PHACTR1: variants seen among roughly 807,000 people sequenced by gnomAD.
The protein encoded by PHACTR1 is RPEL repeat containing 1.
In PHACTR1, 16 loss-of-function variants were observed where a neutral mutation model predicts 69.2. The ratio of observed to expected loss-of-function variants is 0.23; its 90% confidence interval spans 0.16 to 0.35. PHACTR1 has a LOEUF of 0.35. PHACTR1 is among the 10% of genes least tolerant of loss of function. The pLI is 1.00. For missense variants in PHACTR1, 510 were observed against 734.7 expected, an observed-to-expected ratio of 0.69 and a Z score of 3.54; for synonymous variants, 312 against 284.5, an observed-to-expected ratio of 1.10 and a Z score of -0.97.
intron 5 of PHACTR1, among the ~76,000 whole-genome samples, chr6:13,083,162 T>A (rs1811687839): frequency 6.6e-6 from 1 of 152,232 alleles, no homozygotes; most frequent in African/African-American, 2.4e-5. Context: ...TTTCTACATA[T>A]GACTAGCCAG....
At chr6:13,137,913 T>A (rs1821810155) in intron 5 of PHACTR1, among the ~76,000 whole-genome samples, 1 of 152,226 alleles carries the variant, frequency 6.6e-6, no homozygotes, top group Non-Finnish European at 1.5e-5. Flanking sequence ...TCTCACCCTC[T>A]TGTGTCCTGA....
intron 5 of PHACTR1, among the ~76,000 whole-genome samples, chr6:13,074,480 G>C (rs1810098367): frequency 6.6e-6 from 1 of 152,190 alleles, no homozygotes; most frequent in South Asian, 2.1e-4. Context: ...CAAAATTTTA[G>C]ATGCACTTAC....
intron 6 of PHACTR1, among the ~76,000 whole-genome samples, chr6:13,161,676 G>T (rs919184768): frequency 6.6e-6 from 1 of 152,078 alleles, no homozygotes; most frequent in Non-Finnish European, 1.5e-5. Context: ...GGGTTCTGGC[G>T]CATCTTTCAG....
chr6:13,208,634 C>CCCCG lies in PHACTR1; in HGVS notation c.986+2501_986+2502insGCCC, dbSNP rs1554160339. Among the ~76,000 whole-genome samples the CCCCG allele has an allele frequency of 2.7e-5, 4 of 150,662 alleles. No individual in the cohort carries two copies. In the East Asian group the frequency reaches 5.9e-4, roughly 22 times the overall value. On this transcript the variant is annotated intron_variant, in intron 8 of 14. Coordinates refer to ENST00000332995, the MANE Select transcript of PHACTR1 (RefSeq NM_030948.6). The stretch of plus-strand genomic sequence containing the variant: ...GCAGCCAACGTCATTGCTGCCCACC[C>CCCCG]CCCCAACCCCATGTCTACATGCACC...
chr6:12,740,523 T>A (rs1457436794), intron 3 of PHACTR1, among the ~76,000 whole-genome samples: 3 of 152,166 alleles, frequency 2.0e-5, no homozygotes, highest in Non-Finnish European at 4.4e-5. Flanking sequence ...ATTTGAACAT[T>A]TGAAAATCAT....
intron 4 of PHACTR1, among the ~76,000 whole-genome samples, chr6:12,911,132 T>C (rs1009818790): frequency 6.6e-6 from 1 of 152,200 alleles, no homozygotes; most frequent in African/African-American, 2.4e-5. Context: ...AAACTGGTGC[T>C]CAGGAAATCC....
chr6:13,135,937 A>G (rs1332993131), intron 5 of PHACTR1, among the ~76,000 whole-genome samples: 1 of 152,182 alleles, frequency 6.6e-6, no homozygotes, highest in Non-Finnish European at 1.5e-5. Context: ...TCCATAAGCA[A>G]ATAGTGGAGG....
At chr6:13,102,864 A>C (rs1265519972) in intron 5 of PHACTR1, among the ~76,000 whole-genome samples, 1 of 152,194 alleles carries the variant, frequency 6.6e-6, no homozygotes, top group Non-Finnish European at 1.5e-5. Flanking sequence ...TTTAAAAATA[A>C]TCTCTAACGT....
rs572113106 is a variant in PHACTR1, at chr6:13,158,503, A to G, written c.416-1701A>G. Among the ~76,000 whole-genome samples, 281 of 152,252 alleles carry G rather than the reference A, an allele frequency of 1.8e-3. 1 individual carries two copies. Among genetic ancestry groups the G allele is most frequent in the South Asian group, 3.7e-3 (18 of 4,832 alleles). On this transcript the variant is annotated intron_variant, in intron 5 of 14. Coordinates refer to ENST00000332995, the MANE Select transcript of PHACTR1 (RefSeq NM_030948.6). ...GTGAGTGCATTCTAACCTAACATTT[A>G]TTTTTCTCCCTCATATCACTTAATT...
chr6:12,718,878 A>G (rs772284664), intron 3 of PHACTR1, 31 bp downstream of exon 3: 2 of 1,409,482 alleles, frequency 1.4e-6, no homozygotes, highest in Non-Finnish European at 1.9e-6. Context: ...AATTCCTCTT[A>G]TTTGCACGTC....
At chr6:13,194,449 T>C (rs1156411354) in intron 7 of PHACTR1, among the ~76,000 whole-genome samples, 1 of 150,664 alleles carries the variant, frequency 6.6e-6, no homozygotes, top group Non-Finnish European at 1.5e-5. Context: ...AGAGCAGTTC[T>C]CTGGCAATGA....
chr6:13,211,285 C>A (rs754645721), intron 8 of PHACTR1, among the ~76,000 whole-genome samples: 1 of 152,066 alleles, frequency 6.6e-6, no homozygotes, highest in Non-Finnish European at 1.5e-5. Flanking sequence ...ACCCCTCCCC[C>A]TGAGTCCCCA....
At chr6:12,864,279 C>T (rs1434542107) in intron 4 of PHACTR1, among the ~76,000 whole-genome samples, 1 of 152,144 alleles carries the variant, frequency 6.6e-6, no homozygotes, top group African/African-American at 2.4e-5. Flanking sequence ...GTGTCGGGTT[C>T]AGTTGATTGA....
chr6:12,845,327 C>G (rs1779095635), intron 4 of PHACTR1, among the ~76,000 whole-genome samples: 1 of 151,734 alleles, frequency 6.6e-6, no homozygotes, highest in Admixed American at 6.6e-5. Context: ...AAATCCTTCC[C>G]CACTCTCTCC....
intron 4 of PHACTR1, among the ~76,000 whole-genome samples, chr6:12,998,405 C>G (rs1260958293): frequency 2.0e-5 from 3 of 151,968 alleles, no homozygotes; most frequent in Non-Finnish European, 2.9e-5. Flanking sequence ...ATCCCTTGAG[C>G]TCAGGGATTT....
At chr6:12,809,853 A>AAATGTATG (rs1212685233) in intron 4 of PHACTR1, among the ~76,000 whole-genome samples, 1 of 152,226 alleles carries the variant, frequency 6.6e-6, no homozygotes, top group Non-Finnish European at 1.5e-5. Flanking sequence ...TTGGACAGCA[A>AAATGTATG]AATGTATGAT....
At chr6:13,240,876 C>G (rs1772743412) in intron 10 of PHACTR1, among the ~76,000 whole-genome samples, 1 of 152,236 alleles carries the variant, frequency 6.6e-6, no homozygotes, top group Non-Finnish European at 1.5e-5. Context: ...TCCCCATCAG[C>G]ACCTCATCTA....
intron 4 of PHACTR1, among the ~76,000 whole-genome samples, chr6:13,001,466 T>C (rs1798087767): frequency 6.6e-6 from 1 of 152,180 alleles, no homozygotes; most frequent in Admixed American, 6.5e-5. Flanking sequence ...GCAAATGGTT[T>C]GGGGCTGGAC....
rs550334948 is a variant in PHACTR1 at position 13,091,492 on chromosome 6, G to T, written c.415+37963G>T. ...TAGAGCAGCGGTCCCCAGCTTTTTTGGCACCAGGGACCAGTTGTGTGGAAG... is the reference window on the plus strand; with the variant it reads ...TAGAGCAGCGGTCCCCAGCTTTTTTTGCACCAGGGACCAGTTGTGTGGAAG... On this transcript the variant is annotated intron_variant, in intron 5 of 14. Transcript: ENST00000332995. 3.3e-4 allele frequency among the ~76,000 whole-genome samples: 50 copies of T among 152,272 alleles called. 1 individual carries two copies. In the South Asian group the frequency reaches 9.5e-3, roughly 29 times the overall value.
Sources: allele counts gnomAD v4.1 joint callset (sites outside exome capture counted in the v4.1 genomes callset), GRCh38; gene constraint gnomAD v4.1.1; transcripts MANE v1.5; gene names NCBI Gene and HGNC (gene_info 2026-07-23, HGNC 2026-07-21).